DOCK8: variants seen among roughly 807,000 people sequenced by gnomAD.
The protein encoded by DOCK8 is dedicator of cytokinesis protein 8.
Under a neutral mutation model 245.6 loss-of-function variants are expected in DOCK8, and 141 were observed. The ratio of observed to expected loss-of-function variants is 0.57; its 90% CI spans 0.50 to 0.66. DOCK8 has a LOEUF of 0.66. Among genes scored for constraint, DOCK8 ranks in the 30% least tolerant of loss-of-function variants. DOCK8 has a pLI of 0.00. For synonymous variants in DOCK8, 1,168 were observed against 970.2 expected (o/e 1.20, Z -3.79); for missense variants, 2,965 against 2,603.4 (o/e 1.14, Z -3.02).
chr9:256,418 C>T (rs1162611107), intron 1 of DOCK8, among the ~76,000 whole-genome samples: 1 of 152,190 alleles, frequency 6.6e-6, no homozygotes, highest in Admixed American at 6.5e-5. Flanking sequence ...TTCGTTTCTG[C>T]TTCAGCTTCT....
intron 2 of DOCK8, among the ~76,000 whole-genome samples, chr9:276,049 T>C (rs1486124295): frequency 1.3e-5 from 2 of 151,230 alleles, no homozygotes; most frequent in African/African-American, 2.4e-5. Flanking sequence ...TGCCGCCATG[T>C]CTGGCTAATT....
intron 46 of DOCK8, among the ~76,000 whole-genome samples, 162 bp downstream of exon 46, chr9:452,279 T>A (rs1441045246): frequency 6.6e-6 from 1 of 152,108 alleles, no homozygotes; most frequent in African/African-American, 2.4e-5. Context: ...GGCTCAGCAA[T>A]GTGCAGTTTA....
At chr9:372,101 C>T in intron 17 of DOCK8, 84 bp from the exon 18 acceptor site, 4 of 1,203,664 alleles carry the variant, frequency 3.3e-6, no homozygotes, top group Non-Finnish European at 4.9e-6. Context: ...TGTTTAGTTG[C>T]ATTTGATTAT....
At position 418,218 on chromosome 9, in the gene DOCK8, G is replaced by A. The variant is rs377256874; in HGVS notation, c.3840+11G>A. On this transcript the variant is annotated intron_variant, in intron 30 of 47. Coordinates refer to ENST00000432829, the MANE Select transcript of DOCK8 (RefSeq NM_203447.4). ...GTGCTGTCTTCCTTGGTATGTTGGT[G>A]CACATGTGTCTGGTTGATTTTTCAT... is the stretch of plus-strand genomic sequence containing the variant. 1.9e-6 allele frequency: 3 copies of A among 1,614,082 alleles called. No homozygotes were observed. The highest frequency in any genetic ancestry group is 1.7e-4 in the Middle Eastern group (1 of 6,044).
At chr9:212,620 TAA>T (rs2046638020), upstream of DOCK8, among the ~76,000 whole-genome samples, 1 of 152,232 alleles carries the variant, frequency 6.6e-6, no homozygotes, top group Admixed American at 6.5e-5. Flanking sequence ...GGTGAATTGT[TAA>T]AAGAGTGTTA....
intron 20 of DOCK8, among the ~76,000 whole-genome samples, chr9:377,579 G>T (rs1255540313): frequency 6.6e-6 from 1 of 152,164 alleles, no homozygotes; most frequent in Non-Finnish European, 1.5e-5. Context: ...GTGTTAAATG[G>T]AGGGAAGGAA....
At position 420,154 on chromosome 9, in the gene DOCK8, G is replaced by C; in HGVS notation, c.3841-247G>C. 6 of 559,324 alleles carry C rather than the reference G, an allele frequency of 1.1e-5. No individual in the cohort carries two copies. The South Asian group carries it at 1.2e-4, about 11-fold the overall frequency. The allele number at this position is 559,324 out of a possible 1,614,324, so 34.6% of individuals were successfully genotyped here. On this transcript the variant is annotated intron_variant, in intron 30 of 47. Coordinates refer to ENST00000432829, the MANE Select transcript of DOCK8 (RefSeq NM_203447.4). ...GACAGAGGTACTCAGATACGTGGCT[G>C]AAAGCCTAGCTCAAATACTGCCCCA...
chr9:295,485 A>G (rs1197166872), intron 4 of DOCK8, among the ~76,000 whole-genome samples: 1 of 152,220 alleles, frequency 6.6e-6, no homozygotes, highest in Non-Finnish European at 1.5e-5. Flanking sequence ...TATATTTATT[A>G]AGTAGTACCT....
chr9:401,486 T>C (rs188145832), intron 26 of DOCK8, among the ~76,000 whole-genome samples: 1 of 152,220 alleles, frequency 6.6e-6, no homozygotes, highest in East Asian at 1.9e-4. Flanking sequence ...CCAAGGGCTG[T>C]AGCAGCTTAG....
chr9:371,181 T>C (rs994485357), intron 16 of DOCK8, among the ~76,000 whole-genome samples: 2 of 152,032 alleles, frequency 1.3e-5, no homozygotes, highest in Non-Finnish European at 2.9e-5. Context: ...TTGTTTTTTG[T>C]TTTTTGTTTT....
chr9:291,650 A>G (rs2049043602), intron 4 of DOCK8, among the ~76,000 whole-genome samples: 1 of 152,062 alleles, frequency 6.6e-6, no homozygotes, highest in African/African-American at 2.4e-5. Context: ...TTAAAATGCA[A>G]AAACATCCTT....
At chr9:284,172 C>T (rs898965308) in intron 2 of DOCK8, among the ~76,000 whole-genome samples, 4 of 152,104 alleles carry the variant, frequency 2.6e-5, no homozygotes, top group Non-Finnish European at 5.9e-5. Flanking sequence ...GTGGGAGAGT[C>T]CTCTTTATCC....
chr9:402,823 G>T (rs550517471), intron 26 of DOCK8, among the ~76,000 whole-genome samples: 1 of 152,216 alleles, frequency 6.6e-6, no homozygotes, highest in African/African-American at 2.4e-5. Flanking sequence ...CTTGACCTTT[G>T]GGAAGGAAGT....
chr9:215,609 A>G, intron 1 of DOCK8: 4 of 573,416 alleles, frequency 7.0e-6, no homozygotes, highest in Middle Eastern at 5.2e-4. Context: ...GGAAAAAGTG[A>G]TTTTTTAAAA....
intron 2 of DOCK8, chr9:277,007 C>G (rs1303646773): frequency 3.0e-6 from 1 of 330,874 alleles, no homozygotes; most frequent in Non-Finnish European, 6.4e-6. Context: ...CGGAGTTTCT[C>G]CATGTTGTCC....
chr9:427,915 C>T (rs1021086058), intron 34 of DOCK8, among the ~76,000 whole-genome samples: 1 of 152,080 alleles, frequency 6.6e-6, no homozygotes, highest in African/African-American at 2.4e-5. Context: ...AAGCTGAAAC[C>T]TTTTGTTATT....
At chr9:324,128 G>T (rs1056342787) in intron 7 of DOCK8, among the ~76,000 whole-genome samples, 3 of 152,248 alleles carry the variant, frequency 2.0e-5, no homozygotes, top group East Asian at 1.9e-4. Context: ...TTAGCAGATG[G>T]TGGAGGAGGA....
rs140539006 is a variant in DOCK8 at position 446,500 on chromosome 9, G to C, written c.5711G>C (p.Arg1904Pro). 38 of 1,614,076 alleles carry C rather than the reference G, an allele frequency of 2.4e-5. No individual in the cohort carries two copies. Among genetic ancestry groups the C allele is most frequent in the Non-Finnish European group, 3.0e-5 (35 of 1,180,038 alleles). ...MYTTPFTLEG[R>P]PRGELHEQYR... ...ACCACCCCGTTCACCCTGGAGGGGCGGCCTCGGGGAGAGCTGCATGAGCAG... is the reference window on the plus strand; with the variant it reads ...ACCACCCCGTTCACCCTGGAGGGGCCGCCTCGGGGAGAGCTGCATGAGCAG... Residue 1904 changes from arginine (R) to proline (P), a missense_variant, in exon 44 of 48, where the codon CGG (arginine) becomes CCG (proline). By Grantham distance (103) the Arg-to-Pro change is moderately radical. Around this residue, in one of 3 missense-constraint regions of DOCK8, gnomAD observed 2,825 missense variants for 2,453.5 expected, o/e 1.15. Coordinates refer to ENST00000432829, the MANE Select transcript of DOCK8 (RefSeq NM_203447.4).
rs778276819 is a variant in DOCK8 at position 379,906 on chromosome 9, C to T, written c.2576C>T (p.Pro859Leu). The T allele has an allele frequency of 3.7e-6, 6 of 1,614,166 alleles. No individual in the cohort carries two copies. The highest frequency in any genetic ancestry group is 5.1e-6 in the Non-Finnish European group (6 of 1,180,030). ...ASYVHYVFRL[P>L]EVQRDVPKSG... ...TACGTGCACTACGTCTTCCGCCTGC[C>T]AGAGGTGCAAAGGGATGTGCCCAAG... The change falls in exon 21 of 48, where the codon CCA becomes CTA. Residue 859 changes from proline (P) to leucine (L), a missense_variant. This residue lies in a region of DOCK8 where 2,825 missense variants were observed against 2,453.5 expected (regional missense o/e 1.15). Transcript: ENST00000432829.
Sources: allele counts gnomAD v4.1 joint callset (sites outside exome capture counted in the v4.1 genomes callset), GRCh38; gene constraint gnomAD v4.1.1; regional missense constraint gnomAD v4.1.1; transcripts MANE v1.5; gene names NCBI Gene and HGNC (gene_info 2026-07-23, HGNC 2026-07-21).